KCNG2: variants seen among roughly 807,000 people sequenced by gnomAD.
KCNG2 encodes voltage-gated potassium channel regulatory subunit KCNG2.
In KCNG2, 7 loss-of-function variants were observed where a neutral mutation model predicts 12.3. That is an observed-to-expected ratio of 0.57 (90% CI 0.32 to 1.07). The LOEUF is 1.07. Ranked by LOEUF, KCNG2 falls within the 50% of genes least tolerant of loss-of-function variation. The pLI is 0.04. For missense variants in KCNG2, 703 were observed against 726.0 expected (o/e 0.97, Z 0.36); for synonymous variants, 414 against 351.4 (o/e 1.18, Z -1.99).
chr18:79,802,352 G>A (rs868736336), intron 1 of KCNG2, among the ~76,000 whole-genome samples: 21 of 152,326 alleles, frequency 1.4e-4, no homozygotes, highest in African/African-American at 4.8e-4. Flanking sequence ...CAGCCGTGCC[G>A]CTCCGGTCCG....
At position 79,891,847 on chromosome 18, in the gene KCNG2, C is replaced by T. The variant is rs145345595; in HGVS notation, c.625-7193C>T. On this transcript the variant is annotated intron_variant, in intron 3 of 3. Transcript: ENST00000316249. The stretch of plus-strand genomic sequence containing the variant: ...TTGAAAAAATGTATATTGAGTTGTC[C>T]GGTGCCATGTTCTACGGATGTCTGT... Among the ~76,000 whole-genome samples, 260 of 152,154 alleles carry T rather than the reference C, an allele frequency of 1.7e-3. 1 individual carries two copies. The highest frequency in any genetic ancestry group is 3.1e-3 in the South Asian group (15 of 4,816).
intron 1 of KCNG2, among the ~76,000 whole-genome samples, chr18:79,827,932 T>C (rs914167129): frequency 1.3e-5 from 2 of 151,308 alleles, no homozygotes; most frequent in African/African-American, 2.4e-5. Context: ...TCTTTCTTTT[T>C]TTTTTTTTTG....
intron 3 of KCNG2, among the ~76,000 whole-genome samples, chr18:79,869,325 G>GT (rs1294544244): frequency 6.6e-6 from 1 of 152,210 alleles, no homozygotes; most frequent in Non-Finnish European, 1.5e-5. Flanking sequence ...CACACGGCGG[G>GT]TGCGGAAGAA....
intron 1 of KCNG2, among the ~76,000 whole-genome samples, chr18:79,835,913 A>G (rs181957532): frequency 6.8e-4 from 103 of 152,378 alleles, no homozygotes; most frequent in East Asian, 7.7e-4. Flanking sequence ...AAATCAAAAT[A>G]GAATTGTCAA....
rs1599360498 is a variant in KCNG2, at chr18:79,803,513, G to A, written c.-115+5499G>A. 6.6e-6 allele frequency among the ~76,000 whole-genome samples: 1 copy of A among 152,342 alleles called. No individual in the cohort carries two copies. The highest frequency in any genetic ancestry group is 1.9e-4 in the East Asian group (1 of 5,186). On this transcript the variant is annotated intron_variant, in intron 1 of 3. Transcript: ENST00000316249. This position sits in a 1 kb window ranked among gnomAD's most constrained non-coding sequence, Gnocchi z 4.5. ...AGAAACGGAAACATTCTAGGGTGAA[G>A]AAAACAGTGGCTAGGCGTGGGTGTG...
chr18:79,891,457 CTGAGCTTAAGTG>C (rs1326437976), intron 3 of KCNG2, among the ~76,000 whole-genome samples: 2 of 152,126 alleles, frequency 1.3e-5, no homozygotes, highest in Non-Finnish European at 2.9e-5. Context: ...TCTCCAACTC[CTGAGCTTAAGTG>C]ATCCTCCTGC....
intron 3 of KCNG2, among the ~76,000 whole-genome samples, chr18:79,882,176 A>G (rs988756689): frequency 1.3e-5 from 2 of 152,256 alleles, no homozygotes; most frequent in African/African-American, 4.8e-5. Flanking sequence ...CAGATACGCG[A>G]TTCATGAAAT....
At chr18:79,856,948 A>G in intron 2 of KCNG2, among the ~76,000 whole-genome samples, 1 of 137,400 alleles carries the variant, frequency 7.3e-6, no homozygotes, top group Admixed American at 7.7e-5. Context: ...TGACCTAAGC[A>G]GCTGATTGCT....
At chr18:79,809,954 G>C (rs2087482187) in intron 1 of KCNG2, among the ~76,000 whole-genome samples, 2 of 152,366 alleles carry the variant, frequency 1.3e-5, no homozygotes, top group South Asian at 4.1e-4. Context: ...GGTGGGCGGA[G>C]TCCTGTGCTC....
At chr18:79,883,846 C>T (rs1416551428) in intron 3 of KCNG2, among the ~76,000 whole-genome samples, 1 of 152,192 alleles carries the variant, frequency 6.6e-6, no homozygotes, top group Admixed American at 6.5e-5. Context: ...TGGATGATGC[C>T]GTTTACAGGG....
intron 1 of KCNG2, among the ~76,000 whole-genome samples, chr18:79,818,296 G>A (rs2087545145): frequency 6.6e-6 from 1 of 152,236 alleles, no homozygotes; most frequent in Admixed American, 6.5e-5. Context: ...CCAGAGACCA[G>A]GTCACACTCG....
intron 1 of KCNG2, among the ~76,000 whole-genome samples, chr18:79,853,283 G>C (rs1308450197): frequency 6.6e-6 from 1 of 152,232 alleles, no homozygotes; most frequent in African/African-American, 2.4e-5. Flanking sequence ...AAGTGAGGTG[G>C]GCCTGGGCTT....
chr18:79,829,495 G>A (rs570484083), intron 1 of KCNG2, among the ~76,000 whole-genome samples: 19 of 152,192 alleles, frequency 1.2e-4, no homozygotes, highest in African/African-American at 4.1e-4. Context: ...ATGGCTTGTG[G>A]GTCTTTGCCT....
In KCNG2 at chr18:79,869,948, C is replaced by T. The variant is rs371546846; in HGVS notation, c.624+5657C>T. ...TTAATCCAGGCTGTAGGGACACACA[C>T]GGGTCTGAGGTCAGAGCTGGAGTGG... On this transcript the variant is annotated intron_variant, in intron 3 of 3. Coordinates refer to ENST00000316249, the MANE Select transcript of KCNG2 (RefSeq NM_012283.2). Among the ~76,000 whole-genome samples, 245 of 152,364 alleles carry T rather than the reference C, an allele frequency of 1.6e-3. 1 individual carries two copies. Among genetic ancestry groups the T allele is most frequent in the African/African-American group, 5.4e-3 (226 of 41,592 alleles).
intron 3 of KCNG2, among the ~76,000 whole-genome samples, chr18:79,885,986 C>T (rs200277806): frequency 0.021 from 242 of 11,368 alleles, 67 homozygotes; most frequent in East Asian, 0.18. Flanking sequence ...AACATAGGGA[C>T]GTGGGGACAG....
chr18:79,844,649 AGT>A (rs1376827962), intron 1 of KCNG2, among the ~76,000 whole-genome samples: 4 of 152,254 alleles, frequency 2.6e-5, no homozygotes, highest in Non-Finnish European at 5.9e-5. Flanking sequence ...AAAACACTAC[AGT>A]GTGCACTTTT....
chr18:79,835,198 C>T (rs147344795), intron 1 of KCNG2, among the ~76,000 whole-genome samples: 97 of 152,308 alleles, frequency 6.4e-4, no homozygotes, highest in Admixed American at 3.3e-3. Flanking sequence ...CTCTCTCCCC[C>T]CTGCCAGAGC....
At chr18:79,856,255 C>T (rs1440147096) in intron 1 of KCNG2, among the ~76,000 whole-genome samples, 124 bp from the exon 2 acceptor site, 1 of 152,208 alleles carries the variant, frequency 6.6e-6, no homozygotes, top group African/African-American at 2.4e-5. Context: ...TCAACCTGTC[C>T]TGCAAGCCTG....
Position 79,822,522 on chromosome 18 carries a change from C to T in KCNG2, c.-115+24508C>T, listed in dbSNP as rs369618633. On this transcript the variant is annotated intron_variant, in intron 1 of 3. Coordinates refer to ENST00000316249, the MANE Select transcript of KCNG2 (RefSeq NM_012283.2). This position sits in a 1 kb window ranked among gnomAD's most constrained non-coding sequence, Gnocchi z 4.4. ...TGTTGCAGTCATGGCTCCCTGCAGC[C>T]TCAGCCTCCAGGGCTCAAGCATCCT... Among the ~76,000 whole-genome samples, 18 of 152,314 alleles carry T rather than the reference C, an allele frequency of 1.2e-4. 1 individual carries two copies. In the South Asian group the frequency reaches 3.7e-3, roughly 32 times the overall value.
Sources: gnomAD v4.1 joint callset for allele counts (sites outside exome capture counted in the v4.1 genomes callset) on GRCh38, gnomAD v4.1.1 for gene constraint, Gnocchi (gnomAD v3.1) non-coding constraint, MANE v1.5 for transcripts, NCBI Gene and HGNC (gene_info 2026-07-23, HGNC 2026-07-21) for gene names.